ARHGAP8: variants seen among roughly 807,000 people sequenced by gnomAD.
ARHGAP8 encodes Rho GTPase activating protein 8, also known as rho GTPase-activating protein 8.
A neutral mutation model predicts 46.1 loss-of-function variants in ARHGAP8; 62 were observed. The ratio of observed to expected loss-of-function variants is 1.34; its 90% CI spans 1.10 to 1.66. The LOEUF is 1.66. Ranked by LOEUF, ARHGAP8 falls within the 40% of genes most tolerant of loss-of-function variation. ARHGAP8 has a pLI of 0.00. For synonymous variants in ARHGAP8, 375 were observed against 243.1 expected (o/e 1.54, Z -5.05); for missense variants, 923 against 568.4 (o/e 1.62, Z -6.34).
chr22:44,753,142 C>T (rs147509171), intron 1 of ARHGAP8, among the ~76,000 whole-genome samples: 27 of 151,802 alleles, frequency 1.8e-4, no homozygotes, highest in African/African-American at 4.6e-4. Flanking sequence ...GGGGCAGGTG[C>T]TGCGCTGATT....
chr22:44,809,936 C>G (rs1346286242), intron 4 of ARHGAP8: 1 of 152,210 alleles, frequency 6.6e-6, no homozygotes, highest in Non-Finnish European at 1.5e-5. Context: ...GGAGGGACTT[C>G]TTGGTTCCCC....
At chr22:44,857,640 G>A (rs1488057369) in intron 10 of ARHGAP8, among the ~76,000 whole-genome samples, 8 of 152,276 alleles carry the variant, frequency 5.3e-5, no homozygotes, top group Middle Eastern at 3.4e-3. Flanking sequence ...CATCTTCAGA[G>A]ATGAGTTTGC....
In ARHGAP8 at chr22:44,850,047, G is replaced by A. The variant is rs373709873; in HGVS notation, c.877+987G>A. ...GACCAATTACATGGTTAGAGGGTGC[G>A]GGCTTTGAGTGATGTGAGACCAGCC... is the stretch of plus-strand genomic sequence containing the variant. On this transcript the variant is annotated intron_variant, in intron 10 of 11. Transcript: ENST00000356099. The A allele has an allele frequency of 3.3e-5, 5 of 152,266 alleles. No homozygotes were observed. In the East Asian group the frequency reaches 7.7e-4, roughly 24 times the overall value. 9.4% of individuals were successfully genotyped at this position (152,266 alleles called of 1,614,324 possible).
intron 1 of ARHGAP8, among the ~76,000 whole-genome samples, chr22:44,777,480 C>T (rs952276188): frequency 1.3e-5 from 2 of 152,026 alleles, no homozygotes; most frequent in African/African-American, 2.4e-5. Flanking sequence ...TGGCTTTAAA[C>T]ACTTTTCTCT....
chr22:44,856,254 C>CTTTTTTTTTTTTTTTTTTTTTTTTTTT (rs557242169), intron 10 of ARHGAP8, among the ~76,000 whole-genome samples: 2 of 86,882 alleles, frequency 2.3e-5, no homozygotes, highest in Non-Finnish European at 4.2e-5. Flanking sequence ...TATAAATTCC[C>CTTTTTTTTTTTTTTTTTTTTTTTTTTT]TTTTTTTTTT....
At chr22:44,813,621 A>G (rs1169733624) in intron 4 of ARHGAP8, among the ~76,000 whole-genome samples, 1 of 151,764 alleles carries the variant, frequency 6.6e-6, no homozygotes, top group Non-Finnish European at 1.5e-5. Context: ...ACTTACGCTT[A>G]CTTATATCTA....
At chr22:44,823,521 CG>C (rs1930301361) in intron 6 of ARHGAP8, among the ~76,000 whole-genome samples, 1 of 151,888 alleles carries the variant, frequency 6.6e-6, no homozygotes, top group Non-Finnish European at 1.5e-5. Context: ...CACCTTGGGC[CG>C]GGAGTCCTTG....
intron 1 of ARHGAP8, among the ~76,000 whole-genome samples, chr22:44,783,851 C>T (rs116198183): frequency 0.017 from 2,631 of 152,194 alleles, 84 homozygotes; most frequent in African/African-American, 0.06. Context: ...ATCCTGCCTC[C>T]AGCCGCAGAG....
chr22:44,764,671 A>G (rs1925412044), intron 1 of ARHGAP8, among the ~76,000 whole-genome samples: 1 of 152,208 alleles, frequency 6.6e-6, no homozygotes, highest in South Asian at 2.1e-4. Context: ...AGTTGACGAC[A>G]CAAGATGCTC....
intron 7 of ARHGAP8, among the ~76,000 whole-genome samples, chr22:44,839,643 G>A (rs948323694): frequency 1.3e-5 from 2 of 152,120 alleles, no homozygotes; most frequent in Non-Finnish European, 1.5e-5. Context: ...TCCTAGTGTC[G>A]TCCTCTGATC....
At chr22:44,785,650 C>T (rs961535793) in intron 1 of ARHGAP8, among the ~76,000 whole-genome samples, 2 of 152,266 alleles carry the variant, frequency 1.3e-5, no homozygotes, top group Non-Finnish European at 2.9e-5. Context: ...TAGTCTTCAA[C>T]CCCCTACACC....
intron 8 of ARHGAP8, among the ~76,000 whole-genome samples, chr22:44,846,225 G>A (rs2069952355): frequency 6.6e-6 from 1 of 152,214 alleles, no homozygotes; most frequent in African/African-American, 2.4e-5. Flanking sequence ...CATCTGGCGG[G>A]GAGTTCCCAT....
At chr22:44,861,844 TC>T (rs2070502126) in intron 11 of ARHGAP8, among the ~76,000 whole-genome samples, 1 of 152,110 alleles carries the variant, frequency 6.6e-6, no homozygotes, top group Admixed American at 6.5e-5. Flanking sequence ...GCAAGCTCTT[TC>T]CACTCTCCCT....
intron 1 of ARHGAP8, among the ~76,000 whole-genome samples, chr22:44,766,404 G>A (rs926583814): frequency 1.5e-5 from 2 of 133,652 alleles, no homozygotes; most frequent in East Asian, 1.9e-4. Context: ...GTGTGGGCAC[G>A]TGTGTGTGTG....
intron 2 of ARHGAP8, among the ~76,000 whole-genome samples, chr22:44,790,749 T>C (rs755296573): frequency 6.7e-6 from 1 of 149,670 alleles, no homozygotes; most frequent in Non-Finnish European, 1.5e-5. Flanking sequence ...TTTTTTTTTT[T>C]GGAGACGGAG....
rs912077548 is a variant in ARHGAP8 at position 44,821,174 on chromosome 22, G to A, written c.387-1197G>A. Reference sequence around the variant, plus strand: ...TGGCCAGGCACGGTGGCTCATGCCTGTAATCCCAGCACTTTGGGAGGCCAA... The same window carrying A: ...TGGCCAGGCACGGTGGCTCATGCCTATAATCCCAGCACTTTGGGAGGCCAA... On this transcript the variant is annotated intron_variant, in intron 5 of 11. Transcript: ENST00000356099. 2.0e-5 allele frequency among the ~76,000 whole-genome samples: 3 copies of A among 152,178 alleles called. No individual in the cohort carries two copies. In the South Asian group the frequency reaches 6.2e-4, roughly 32 times the overall value.
intron 1 of ARHGAP8, among the ~76,000 whole-genome samples, chr22:44,754,797 C>T (rs80144674): frequency 0.017 from 2,623 of 152,108 alleles, 87 homozygotes; most frequent in African/African-American, 0.061. Context: ...GTTAAAGAGA[C>T]GAGAGCAAGG....
chr22:44,779,257 C>T (rs188093298), intron 1 of ARHGAP8, among the ~76,000 whole-genome samples: 141 of 151,988 alleles, frequency 9.3e-4, no homozygotes, highest in African/African-American at 3.0e-3. Flanking sequence ...CCACCATCCA[C>T]GCCTGGCTAA....
chr22:44,854,070 A>C, intron 10 of ARHGAP8, among the ~76,000 whole-genome samples: 2 of 138,536 alleles, frequency 1.4e-5, no homozygotes, highest in African/African-American at 5.5e-5. Flanking sequence ...AAACCATCAG[A>C]CTTTGCCTGC....
Sources: allele counts gnomAD v4.1 joint callset (sites outside exome capture counted in the v4.1 genomes callset), GRCh38; gene constraint gnomAD v4.1.1; transcripts MANE v1.5; gene names NCBI Gene and HGNC (gene_info 2026-07-23, HGNC 2026-07-21).